The following FLT1 variants were observed in gnomAD, a reference collection of about 807,000 sequenced individuals.
FLT1 encodes the protein vascular endothelial growth factor receptor 1.
FLT1 carries 49 observed loss-of-function variants against 156.3 expected under a neutral mutation model. The observed-to-expected ratio is 0.31, with a 90% CI of 0.25 to 0.40. The LOEUF (loss-of-function observed/expected upper bound fraction) is 0.40. Among genes scored for constraint, FLT1 ranks in the 10% least tolerant of loss-of-function variants. FLT1 has a pLI of 1.00. For missense variants in FLT1, 1,322 were observed against 1,637.2 expected, an observed-to-expected ratio of 0.81 and a Z score of 3.32; for synonymous variants, 594 against 583.8, an observed-to-expected ratio of 1.02 and a Z score of -0.25.
chr13:28,451,899 G>A (rs1878962675), intron 3 of FLT1, among the ~76,000 whole-genome samples: 1 of 152,234 alleles, frequency 6.6e-6, no homozygotes, highest in Non-Finnish European at 1.5e-5. Context: ...GGGACAGGAG[G>A]TGTTGTGGCA....
intron 1 of FLT1, among the ~76,000 whole-genome samples, chr13:28,483,325 T>A (rs1177202766): frequency 6.6e-6 from 1 of 152,226 alleles, no homozygotes; most frequent in African/African-American, 2.4e-5. Context: ...TTGGTTTCTC[T>A]AATGCCAACT....
At chr13:28,455,916 G>A (rs1325808217) in intron 3 of FLT1, among the ~76,000 whole-genome samples, 1 of 152,206 alleles carries the variant, frequency 6.6e-6, no homozygotes, top group Non-Finnish European at 1.5e-5. Flanking sequence ...AAATAACAAT[G>A]AGAGACCATT....
Position 28,300,857 on chromosome 13 carries a change from G to A in FLT1, c.*2310C>T. On this transcript the variant is annotated 3_prime_UTR_variant, in exon 30 of 30. Coordinates refer to ENST00000282397, the MANE Select transcript of FLT1 (RefSeq NM_002019.4). ...ATGGCAAATGATTGGAATATTATCA[G>A]TTAATTCATGTTTCAATTTTCAGTG... is the stretch of plus-strand genomic sequence containing the variant. 2 of 233,126 alleles carry A rather than the reference G, an allele frequency of 8.6e-6. No individual in the cohort carries two copies. Among genetic ancestry groups the A allele is most frequent in the Non-Finnish European group, 8.5e-6 (1 of 118,008 alleles). 14.4% of individuals were successfully genotyped at this position (233,126 alleles called of 1,614,324 possible).
rs552853550 is a variant in FLT1, at chr13:28,414,798, ACACATCAGATGTCAACCCTACCT to A, written c.1437-8927_1437-8905del. ...GGCCAGATGAGATGTGGACCCAATC[ACACATCAGATGTCAACCCTACCT>A]CACATCAGATGTCAACCCTGCCATC... On this transcript the variant is annotated intron_variant, in intron 10 of 29. Coordinates refer to ENST00000282397, the MANE Select transcript of FLT1 (RefSeq NM_002019.4). Among the ~76,000 whole-genome samples the A allele has an allele frequency of 2.1e-3, 319 of 152,290 alleles. 2 individuals are homozygous for A. The highest frequency in any genetic ancestry group is 0.014 in the Middle Eastern group (4 of 294).
rs1870862241 is a variant in FLT1, at chr13:28,308,837, A to G, written c.3720+6T>C. 1.9e-6 allele frequency: 3 copies of G among 1,596,740 alleles called. No homozygotes were observed. Among genetic ancestry groups the G allele is most frequent in the Non-Finnish European group, 2.6e-6 (3 of 1,164,124 alleles). ...GTGCACTAGGTACCTTAACTTCACG[A>G]CTTACATCAAACATGGAGGTGGCAT... On this transcript the variant is annotated splice_donor_region_variant and intron_variant, in intron 28 of 29. Transcript: ENST00000282397.
chr13:28,303,498 C>CCT (rs1555297832), intron 29 of FLT1, 130 bp from the exon 30 acceptor site: 2 of 797,682 alleles, frequency 2.5e-6, no homozygotes, highest in South Asian at 1.5e-5. Context: ...TGGAACCCCC[C>CCT]CCCCCTCAAT....
chr13:28,432,920 GA>G (rs1177906097), intron 6 of FLT1, among the ~76,000 whole-genome samples: 1 of 152,204 alleles, frequency 6.6e-6, no homozygotes, highest in Non-Finnish European at 1.5e-5. Context: ...AATAGTTTAT[GA>G]CTGATAAGTC....
At chr13:28,438,372 A>G (rs1251302319) in intron 3 of FLT1, 27 bp from the exon 4 acceptor site, 2 of 1,576,068 alleles carry the variant, frequency 1.3e-6, no homozygotes, top group South Asian at 1.1e-5. Context: ...TGAAAAAAAT[A>G]TATACATAAA....
At chr13:28,467,282 G>C (rs778207475) in intron 2 of FLT1, among the ~76,000 whole-genome samples, 153 bp from the exon 3 acceptor site, 6 of 152,112 alleles carry the variant, frequency 3.9e-5, no homozygotes, top group Non-Finnish European at 7.3e-5. Flanking sequence ...CAGAAAAGCT[G>C]TAGAACAATA....
At chr13:28,346,897 T>A (rs1325194545) in intron 15 of FLT1, among the ~76,000 whole-genome samples, 4 of 152,300 alleles carry the variant, frequency 2.6e-5, no homozygotes, top group Non-Finnish European at 5.9e-5. Flanking sequence ...GTTTCATACA[T>A]GAGCACTTCA....
chr13:28,368,869 T>C (rs765362020), intron 14 of FLT1, among the ~76,000 whole-genome samples: 2 of 151,956 alleles, frequency 1.3e-5, no homozygotes, highest in Non-Finnish European at 2.9e-5. Context: ...CATACCCGGC[T>C]AATTTTTGTG....
chr13:28,421,946 C>T (rs1392973509), intron 10 of FLT1, among the ~76,000 whole-genome samples: 1 of 152,198 alleles, frequency 6.6e-6, no homozygotes, highest in Admixed American at 6.5e-5. Flanking sequence ...ATAGAACTTG[C>T]TTCCTTGATT....
chr13:28,378,844 C>G (rs921522359), intron 14 of FLT1, among the ~76,000 whole-genome samples: 1 of 152,070 alleles, frequency 6.6e-6, no homozygotes, highest in Admixed American at 6.5e-5. Flanking sequence ...TAACACGGTG[C>G]CTTGGTACCT....
chr13:28,458,992 T>C (rs991981563), intron 3 of FLT1, among the ~76,000 whole-genome samples: 2 of 152,238 alleles, frequency 1.3e-5, no homozygotes, highest in Non-Finnish European at 2.9e-5. Context: ...CTGTTTCCCC[T>C]CTTTCACATC....
At chr13:28,349,186 G>A (rs1872661974) in intron 15 of FLT1, among the ~76,000 whole-genome samples, 1 of 152,166 alleles carries the variant, frequency 6.6e-6, no homozygotes, top group South Asian at 2.1e-4. Context: ...GCATATAGTA[G>A]ACATCCTGAA....
Position 28,386,361 on chromosome 13 carries a change from T to C in FLT1, c.1970-1330A>G, listed in dbSNP as rs138874366. ...ATAACATTGTTGAAGTAGTATATCA[T>C]GGCAGGGTTACTATCTGTTAGGAGA... On this transcript the variant is annotated intron_variant, in intron 13 of 29. Coordinates refer to ENST00000282397, the MANE Select transcript of FLT1 (RefSeq NM_002019.4). 8 of 1,007,442 alleles carry C rather than the reference T, an allele frequency of 7.9e-6. No homozygotes were observed. In the African/African-American group the frequency reaches 1.0e-4, roughly 13 times the overall value. 62.4% of individuals were successfully genotyped at this position (1,007,442 alleles called of 1,614,324 possible).
chr13:28,464,074 A>G (rs574053988), intron 3 of FLT1, among the ~76,000 whole-genome samples: 13 of 152,292 alleles, frequency 8.5e-5, no homozygotes, highest in African/African-American at 3.1e-4. Context: ...ATTGATTCCA[A>G]TATCTTTTAG....
At position 28,473,729 on chromosome 13, in the gene FLT1, AGAAGGAAG is replaced by A. The variant is rs1157781404; in HGVS notation, c.65-6120_65-6113del. Among the ~76,000 whole-genome samples the A allele has an allele frequency of 6.0e-3, 507 of 84,162 alleles. 9 individuals carry two copies. Among genetic ancestry groups the A allele is most frequent in the African/African-American group, 0.011 (207 of 18,548 alleles). The allele number at this position is 84,162 out of a possible 152,430, so 55.2% of individuals were successfully genotyped here. A position where few individuals can be genotyped will look rare whatever the true frequency, so the allele number is the denominator to read the frequency against. On this transcript the variant is annotated intron_variant, in intron 1 of 29. Coordinates refer to ENST00000282397, the MANE Select transcript of FLT1 (RefSeq NM_002019.4). ...AAGAAAGAAAGAAAGAAAGAAAGAA[AGAAGGAAG>A]GAAGGAAGGAAGGAAGGAAGGAAGG... is the stretch of plus-strand genomic sequence containing the variant.
At chr13:28,434,031 T>C in intron 5 of FLT1, 27 bp downstream of exon 5, 2 of 1,614,136 alleles carry the variant, frequency 1.2e-6, no homozygotes, top group Non-Finnish European at 1.7e-6. Context: ...CTTCGGCTTA[T>C]GTTCATGCCT....
Sources: allele counts gnomAD v4.1 joint callset (sites outside exome capture counted in the v4.1 genomes callset), GRCh38; gene constraint gnomAD v4.1.1; transcripts MANE v1.5; gene names NCBI Gene and HGNC (gene_info 2026-07-23, HGNC 2026-07-21).